GRIN2A: variants seen among roughly 807,000 people sequenced by gnomAD.
GRIN2A encodes the protein glutamate receptor ionotropic, NMDA 2A.
Under a neutral mutation model 113.4 loss-of-function variants are expected in GRIN2A, and 22 were observed. The ratio of observed to expected loss-of-function variants is 0.19; its 90% CI spans 0.14 to 0.28. The LOEUF is 0.28. GRIN2A is among the 10% of genes least tolerant of loss of function. The pLI, the probability that GRIN2A is intolerant of heterozygous loss-of-function variation, is 1.00. For synonymous variants in GRIN2A, 827 were observed against 738.4 expected, an observed-to-expected ratio of 1.12 and a Z score of -1.94; for missense variants, 1,502 against 1,887.0, an observed-to-expected ratio of 0.80 and a Z score of 3.78.
At chr16:10,162,657 T>C (rs1356233802) in intron 2 of GRIN2A, among the ~76,000 whole-genome samples, 1 of 152,258 alleles carries the variant, frequency 6.6e-6, no homozygotes, top group Non-Finnish European at 1.5e-5. Flanking sequence ...CTTACCTATA[T>C]GCCCTCATTT....
At chr16:9,843,116 G>A (rs1417102495) in intron 5 of GRIN2A, among the ~76,000 whole-genome samples, 3 of 151,844 alleles carry the variant, frequency 2.0e-5, no homozygotes, top group South Asian at 2.1e-4. Flanking sequence ...AGGAGGAAAC[G>A]AGGAAAGGAA....
intron 2 of GRIN2A, among the ~76,000 whole-genome samples, chr16:10,042,664 A>C (rs2047185769): frequency 6.6e-6 from 1 of 152,366 alleles, no homozygotes; most frequent in South Asian, 2.1e-4. Context: ...TAACTAATAC[A>C]CAACACAGCC....
intron 2 of GRIN2A, among the ~76,000 whole-genome samples, chr16:10,034,052 G>C (rs935510250): frequency 1.3e-5 from 2 of 152,206 alleles, no homozygotes; most frequent in African/African-American, 4.8e-5. Flanking sequence ...AGGTGAAGAG[G>C]ACAGAGCCTT....
chr16:10,179,760 C>T, intron 2 of GRIN2A: 2 of 566,646 alleles, frequency 3.5e-6, no homozygotes, highest in South Asian at 4.0e-5. Flanking sequence ...TCCTGGCACA[C>T]ACACACCAAA....
chr16:10,147,214 G>A (rs960106721), intron 2 of GRIN2A, among the ~76,000 whole-genome samples: 5 of 151,980 alleles, frequency 3.3e-5, no homozygotes, highest in African/African-American at 1.2e-4. Context: ...AGCTTAACGA[G>A]CAGCAATTTT....
intron 2 of GRIN2A, among the ~76,000 whole-genome samples, chr16:10,008,433 C>T (rs1485536010): frequency 1.3e-5 from 2 of 152,196 alleles, no homozygotes; most frequent in Non-Finnish European, 2.9e-5. Flanking sequence ...TGCAGTCACT[C>T]CCCTACTGCT....
intron 2 of GRIN2A, among the ~76,000 whole-genome samples, chr16:10,046,712 C>A (rs764134668): frequency 2.0e-5 from 3 of 152,046 alleles, no homozygotes; most frequent in Non-Finnish European, 4.4e-5. Flanking sequence ...AAATTCTGCA[C>A]CCTTTTGAGA....
intron 2 of GRIN2A, among the ~76,000 whole-genome samples, chr16:9,997,479 C>T (rs971458707): frequency 3.3e-5 from 5 of 152,154 alleles, no homozygotes; most frequent in African/African-American, 1.2e-4. Context: ...CATTTATATA[C>T]ACATATGAAT....
intron 2 of GRIN2A, among the ~76,000 whole-genome samples, chr16:10,050,369 G>C (rs2047336953): frequency 6.6e-6 from 1 of 152,108 alleles, no homozygotes; most frequent in Admixed American, 6.5e-5. Flanking sequence ...AGGTGAGCAA[G>C]TGAAGCTTTA....
At chr16:10,155,083 T>A (rs939532083) in intron 2 of GRIN2A, among the ~76,000 whole-genome samples, 1 of 152,306 alleles carries the variant, frequency 6.6e-6, no homozygotes, top group African/African-American at 2.4e-5. Flanking sequence ...ATGTACAGCA[T>A]CTCTTAAATT....
At chr16:10,017,223 AG>A (rs2046626431) in intron 2 of GRIN2A, among the ~76,000 whole-genome samples, 1 of 152,220 alleles carries the variant, frequency 6.6e-6, no homozygotes. Flanking sequence ...GAACCTTATG[AG>A]GAATACAGAC....
intron 2 of GRIN2A, among the ~76,000 whole-genome samples, chr16:10,152,351 C>T (rs934761282): frequency 1.3e-5 from 2 of 152,214 alleles, no homozygotes; most frequent in Non-Finnish European, 2.9e-5. Context: ...TTTATTCATG[C>T]TGTTTTCTCC....
chr16:9,855,594 G>A (rs1226800540), intron 4 of GRIN2A, among the ~76,000 whole-genome samples: 1 of 152,152 alleles, frequency 6.6e-6, no homozygotes, highest in Non-Finnish European at 1.5e-5. Flanking sequence ...TTCAGGTATA[G>A]CACTCTATGT....
At chr16:9,939,595 C>G (rs2044810815) in intron 2 of GRIN2A, among the ~76,000 whole-genome samples, 3 of 152,158 alleles carry the variant, frequency 2.0e-5, no homozygotes, top group African/African-American at 7.2e-5. Context: ...CCTTCATACC[C>G]CCTAACTCAT....
At chr16:9,951,805 C>T (rs974618288) in intron 2 of GRIN2A, among the ~76,000 whole-genome samples, 14 of 152,144 alleles carry the variant, frequency 9.2e-5, no homozygotes, top group Admixed American at 2.6e-4. Flanking sequence ...TCATGCTGAG[C>T]CCCAGGGCTT....
In GRIN2A at chr16:10,018,375, C is replaced by A. The variant is rs570332625; in HGVS notation, c.415-79824G>T. Among the ~76,000 whole-genome samples, 4 of 152,184 alleles carry A rather than the reference C, an allele frequency of 2.6e-5. No individual in the cohort carries two copies. The East Asian group carries it at 7.7e-4, about 29-fold the overall frequency. On this transcript the variant is annotated intron_variant, in intron 2 of 12. Transcript: ENST00000330684. ...GAAGGTGGGGTTTCTGTGCTAGCAC[C>A]AGAAGACACAAACTGGAGGCAGCAA...
intron 2 of GRIN2A, among the ~76,000 whole-genome samples, chr16:9,941,127 C>T (rs2044865729): frequency 6.6e-6 from 1 of 152,132 alleles, no homozygotes; most frequent in Admixed American, 6.5e-5. Context: ...ATACAGAAAG[C>T]TCTCAACAAG....
At chr16:10,122,361 C>A (rs560853302) in intron 2 of GRIN2A, among the ~76,000 whole-genome samples, 1 of 152,108 alleles carries the variant, frequency 6.6e-6, no homozygotes, top group East Asian at 1.9e-4. Context: ...TTTCAGGAGG[C>A]TTCGGGGTAA....
intron 2 of GRIN2A, among the ~76,000 whole-genome samples, chr16:10,094,828 A>C (rs1392838631): frequency 6.6e-6 from 1 of 150,652 alleles, no homozygotes; most frequent in Non-Finnish European, 1.5e-5. Flanking sequence ...AAGCAGGAAA[A>C]GTATAAAATG....
Sources: allele counts gnomAD v4.1 joint callset (sites outside exome capture counted in the v4.1 genomes callset), GRCh38; gene constraint gnomAD v4.1.1; transcripts MANE v1.5; gene names NCBI Gene and HGNC (gene_info 2026-07-23, HGNC 2026-07-21).